Variants in PTPN13 observed in about 807,000 individuals in gnomAD.
The protein encoded by PTPN13 is protein tyrosine phosphatase non-receptor type 13.
PTPN13 carries 191 observed loss-of-function variants against 284.0 expected under a neutral mutation model. That is an observed-to-expected ratio of 0.67 (90% CI 0.60 to 0.76). PTPN13 has a LOEUF of 0.76. Among genes scored for constraint, PTPN13 ranks in the 30% least tolerant of loss-of-function variants. The pLI is 0.00. For synonymous variants in PTPN13, 986 were observed against 1,022.3 expected (o/e 0.96, Z 0.68); for missense variants, 2,797 against 2,939.9 (o/e 0.95, Z 1.12).
At chr4:86,766,340 C>A in intron 26 of PTPN13, 92 bp from the exon 27 acceptor site, 2 of 968,606 alleles carry the variant, frequency 2.1e-6, no homozygotes, top group Non-Finnish European at 3.1e-6. Flanking sequence ...TTGCCTGAGT[C>A]CCTCCTCAAA....
At chr4:86,686,335 AC>A (rs1729452563) in intron 3 of PTPN13, among the ~76,000 whole-genome samples, 1 of 152,124 alleles carries the variant, frequency 6.6e-6, no homozygotes, top group Non-Finnish European at 1.5e-5. Flanking sequence ...AGCCTGGGCG[AC>A]AGAGCCAGAC....
intron 7 of PTPN13, among the ~76,000 whole-genome samples, chr4:86,710,494 A>G (rs150597102): frequency 3.3e-5 from 5 of 152,340 alleles, no homozygotes; most frequent in Non-Finnish European, 1.5e-5. Flanking sequence ...CATTTGAAAT[A>G]GCTTTATATA....
intron 43 of PTPN13, among the ~76,000 whole-genome samples, chr4:86,804,685 T>C (rs1744467027): frequency 1.3e-5 from 2 of 152,218 alleles, no homozygotes; most frequent in Non-Finnish European, 2.9e-5. Flanking sequence ...CAATATTTGT[T>C]TACTTCTTTA....
chr4:86,785,474 C>A, intron 39 of PTPN13, 106 bp downstream of exon 39: 2 of 980,698 alleles, frequency 2.0e-6, no homozygotes, highest in South Asian at 2.0e-5. Flanking sequence ...TTCTGTTCCT[C>A]ATTCATGTGT....
rs1469559783 is a variant in PTPN13 at position 86,701,278 on chromosome 4, G to A, written c.672G>A (p.Lys224=). 1 of 1,600,518 alleles carries A rather than the reference G, an allele frequency of 6.2e-7. No individual in the cohort carries two copies. The highest frequency in any genetic ancestry group is 1.1e-5 in the South Asian group (1 of 88,172). ...SSTSDVLDIQ[K]PPLSHQTFLN... ...CTTCTGATGTACTAGACATACAAAA[G>A]CCTCCACTCTCTCATCAGACCTTTC... The change falls in exon 7 of 48, where the codon AAG becomes AAA. Residue 224 remains lysine, a synonymous_variant. Transcript: ENST00000411767.
At chr4:86,704,659 G>A (rs886707924) in intron 7 of PTPN13, among the ~76,000 whole-genome samples, 1 of 152,100 alleles carries the variant, frequency 6.6e-6, no homozygotes, top group Non-Finnish European at 1.5e-5. Flanking sequence ...GTTATAGGAT[G>A]CACAAACAAA....
intron 40 of PTPN13, among the ~76,000 whole-genome samples, chr4:86,795,334 A>G (rs147410916): frequency 0.1 from 15,172 of 152,318 alleles, 878 homozygotes; most frequent in Non-Finnish European, 0.11. Flanking sequence ...CAAAACCACA[A>G]TGAGATACCA....
At chr4:86,806,201 T>C (rs1744640084) in intron 44 of PTPN13, among the ~76,000 whole-genome samples, 1 of 151,592 alleles carries the variant, frequency 6.6e-6, no homozygotes, top group Non-Finnish European at 1.5e-5. Context: ...AATTTTTACA[T>C]GTATAAAAAT....
intron 7 of PTPN13, among the ~76,000 whole-genome samples, chr4:86,711,485 G>T (rs1732412993): frequency 6.6e-6 from 1 of 151,978 alleles, no homozygotes; most frequent in South Asian, 2.1e-4. Flanking sequence ...ATCACATTTG[G>T]TGATGTACTA....
In PTPN13 at chr4:86,808,016, TC is replaced by T. The variant is rs1384387941; in HGVS notation, c.7083+122del. 15 of 852,350 alleles carry T rather than the reference TC, an allele frequency of 1.8e-5. No individual in the cohort carries two copies. The African/African-American group carries it at 2.1e-4, about 12-fold the overall frequency. 52.8% of individuals were successfully genotyped at this position (852,350 alleles called of 1,614,324 possible). A position where few individuals can be genotyped will look rare whatever the true frequency, so the allele number is the denominator to read the frequency against. ...AGATAAAAGACAGTGACTTCCTAGT[TC>T]CCATGCAATGGAACTAATGCTAGCT... On this transcript the variant is annotated intron_variant, in intron 45 of 47. Transcript: ENST00000411767.
intron 2 of PTPN13, among the ~76,000 whole-genome samples, chr4:86,643,932 C>T (rs901588689): frequency 1.3e-5 from 2 of 151,924 alleles, no homozygotes; most frequent in African/African-American, 4.8e-5. Flanking sequence ...AATACAGCAA[C>T]AGGAGGTTTA....
chr4:86,634,811 C>T (rs561350323), intron 1 of PTPN13, among the ~76,000 whole-genome samples: 83 of 152,234 alleles, frequency 5.5e-4, no homozygotes, highest in African/African-American at 1.9e-3. Flanking sequence ...CCATCTTATT[C>T]CCAACTTCCC....
At chr4:86,641,451 A>G (rs558555732) in intron 2 of PTPN13, among the ~76,000 whole-genome samples, 1 of 152,254 alleles carries the variant, frequency 6.6e-6, no homozygotes, top group African/African-American at 2.4e-5. Flanking sequence ...CTACTGGGGT[A>G]TTATTGAACA....
intron 3 of PTPN13, among the ~76,000 whole-genome samples, chr4:86,679,574 C>A (rs1728660889): frequency 6.6e-6 from 1 of 152,190 alleles, no homozygotes; most frequent in Non-Finnish European, 1.5e-5. Flanking sequence ...TGATGCATAA[C>A]ATAGTTTGAG....
At chr4:86,734,555 T>C in intron 13 of PTPN13, 99 bp downstream of exon 13, 1 of 1,274,762 alleles carries the variant, frequency 7.8e-7, no homozygotes, top group Non-Finnish European at 1.1e-6. Context: ...TCAATGATAA[T>C]GTCTGCTTTA....
chr4:86,620,422 A>G (rs1394027023), intron 1 of PTPN13, among the ~76,000 whole-genome samples: 1 of 152,200 alleles, frequency 6.6e-6, no homozygotes, highest in Non-Finnish European at 1.5e-5. Context: ...GTCTCCCCAA[A>G]GTGCTGGGAT....
At chr4:86,685,812 G>C (rs1301911500) in intron 3 of PTPN13, among the ~76,000 whole-genome samples, 2 of 152,148 alleles carry the variant, frequency 1.3e-5, no homozygotes, top group Non-Finnish European at 2.9e-5. Flanking sequence ...AAGGGAATCT[G>C]ACAATATATA....
chr4:86,620,430 G>A (rs1721086111), intron 1 of PTPN13, among the ~76,000 whole-genome samples: 1 of 152,154 alleles, frequency 6.6e-6, no homozygotes, highest in South Asian at 2.1e-4. Context: ...AAAGTGCTGG[G>A]ATTATAGGTA....
chr4:86,728,987 T>A (rs902118963), intron 10 of PTPN13, among the ~76,000 whole-genome samples: 2 of 149,004 alleles, frequency 1.3e-5, no homozygotes, highest in African/African-American at 4.9e-5. Context: ...TACTGGTTGT[T>A]CCTATCCATG....
Sources: allele counts gnomAD v4.1 joint callset (sites outside exome capture counted in the v4.1 genomes callset), GRCh38; gene constraint gnomAD v4.1.1; transcripts MANE v1.5; gene names NCBI Gene and HGNC (gene_info 2026-07-23, HGNC 2026-07-21).